The following SIGLEC1 variants were observed in gnomAD, a reference collection of about 807,000 sequenced individuals.
SIGLEC1 encodes sialoadhesin.
A neutral mutation model predicts 148.0 loss-of-function variants in SIGLEC1; 132 were observed. The observed-to-expected ratio is 0.89, with a 90% confidence interval of 0.77 to 1.03. The LOEUF (loss-of-function observed/expected upper bound fraction) is 1.03, where lower values mean the gene tolerates loss of function less well. Among genes scored for constraint, SIGLEC1 ranks in the 50% least tolerant of loss-of-function variants. SIGLEC1 has a pLI of 0.00. For missense variants in SIGLEC1, 2,253 were observed against 2,271.4 expected, an observed-to-expected ratio of 0.99 and a Z score of 0.16; for synonymous variants, 945 against 969.0, an observed-to-expected ratio of 0.98 and a Z score of 0.46.
Position 3,688,459 on chromosome 20 carries a change from A to G in SIGLEC1, c.*101T>C, listed in dbSNP as rs750779005. ...TCAGATGTCACAGAGCTGTTTTCGT[A>G]GAGGCGGGCAGGACTCAACACTGCC... is the stretch of plus-strand genomic sequence containing the variant. On this transcript the variant is annotated 3_prime_UTR_variant, in exon 22 of 22. Transcript: ENST00000344754. 8 of 1,005,266 alleles carry G rather than the reference A, an allele frequency of 8.0e-6. No homozygotes were observed. The highest frequency in any genetic ancestry group is 9.2e-6 in the Non-Finnish European group (6 of 651,338). 62.3% of individuals were successfully genotyped at this position (1,005,266 alleles called of 1,614,324 possible). A position where few individuals can be genotyped will look rare whatever the true frequency, so the allele number is the denominator to read the frequency against.
Position 3,691,515 on chromosome 20 carries a change from C to G in SIGLEC1, c.4416G>C (p.Gly1472=). ...NLSCRLLGGP[G]PVGNSTFAWF... Reference sequence around the variant, plus strand: ...ATGCAAAGGTGGAGTTGCCCACAGGCCCAGGGCCACCCAGGAGGCGGCAGC... The same window carrying G: ...ATGCAAAGGTGGAGTTGCCCACAGGGCCAGGGCCACCCAGGAGGCGGCAGC... Residue 1472 remains glycine, a synonymous_variant, in exon 18 of 22, where the codon GGG becomes GGC. Coordinates refer to ENST00000344754, the MANE Select transcript of SIGLEC1 (RefSeq NM_023068.4). 6.2e-7 allele frequency: 1 copy of G among 1,613,274 alleles called. No homozygotes were observed. The highest frequency in any genetic ancestry group is 8.5e-7 in the Non-Finnish European group (1 of 1,180,008).
Position 3,697,405 on chromosome 20 carries a change from G to T in SIGLEC1, c.2123-63C>A. The T allele has an allele frequency of 3.1e-6, 5 of 1,598,494 alleles. No homozygotes were observed. In the South Asian group the frequency reaches 5.6e-5, roughly 18 times the overall value. On this transcript the variant is annotated intron_variant, in intron 9 of 21. Transcript: ENST00000344754. ...GCCCCCAGGAGCCAGGGGTCCAGCC[G>T]CCCAGCCTGGAAGGAGCAGGAAGGA...
At position 3,701,612 on chromosome 20, in the gene SIGLEC1, A is replaced by T. The variant is rs1268528733; in HGVS notation, c.1258T>A (p.Phe420Ile). ...HPPLTPVLTA[F>I]LETQAGLVGI... ...ACAAGTCCCGCCTGGGTCTCCAGGA[A>T]GGCTGTCAGGACTGGAGTGAGAGGC... Residue 420 changes from phenylalanine (F) to isoleucine (I), a missense_variant, in exon 7 of 22, where the codon TTC (phenylalanine) becomes ATC (isoleucine). Transcript: ENST00000344754. The T allele has an allele frequency of 3.8e-6, 6 of 1,583,372 alleles. No individual in the cohort carries two copies. The highest frequency in any genetic ancestry group is 5.2e-6 in the Non-Finnish European group (6 of 1,159,852).
At chr20:3,691,747 C>G (rs1463235220) in intron 17 of SIGLEC1, 147 bp from the exon 18 acceptor site, 2 of 1,326,258 alleles carry the variant, frequency 1.5e-6, no homozygotes, top group Non-Finnish European at 2.1e-6. Context: ...AACCATGCCC[C>G]CTCCAGTGGG....
At position 3,704,015 on chromosome 20, in the gene SIGLEC1, G is replaced by C; in HGVS notation, c.783C>G (p.Thr261=). The part of the protein sequence containing the change: ...NILPGELVTL[T]CQVNSSYPAV... ...CAGGGTAGCTGCTGTTCACCTGGCA[G>C]GTGAGTGTGACCAGCTCACCTGGAA... Residue 261 remains threonine (T), a synonymous_variant, in exon 5 of 22, where the codon ACC becomes ACG. Coordinates refer to ENST00000344754, the MANE Select transcript of SIGLEC1 (RefSeq NM_023068.4). 1 of 1,613,566 alleles carries C rather than the reference G, an allele frequency of 6.2e-7. No homozygotes were observed. Among genetic ancestry groups the C allele is most frequent in the Admixed American group, 1.7e-5 (1 of 59,972 alleles).
intron 7 of SIGLEC1, 100 bp downstream of exon 7, chr20:3,701,242 G>T: frequency 1.8e-6 from 2 of 1,137,894 alleles, no homozygotes; most frequent in South Asian, 1.6e-5. Flanking sequence ...AGTTAGCTCA[G>T]TCCTGCGGTT....
chr20:3,699,079 G>T, intron 8 of SIGLEC1, 123 bp downstream of exon 8: 2 of 1,171,108 alleles, frequency 1.7e-6, no homozygotes, highest in African/African-American at 1.6e-5. Flanking sequence ...CTGTGGCCAG[G>T]TCTGTGACCC....
In SIGLEC1 at chr20:3,698,133, T is replaced by C. The variant is rs1041593955; in HGVS notation, c.1787A>G (p.Tyr596Cys). 9.5e-6 allele frequency: 15 copies of C among 1,584,396 alleles called. No individual in the cohort carries two copies. The highest frequency in any genetic ancestry group is 1.4e-5 in the African/African-American group (1 of 73,288). ...GGTGAATGTTGGTTGTCGAGGGGGG[T>C]CTGCAGGGAGGAAGAACATGGGCAC... ...PSSPAVLTVL[Y>C]PPRQPTFTTR... The change falls in exon 9 of 22, where the codon TAC becomes TGC. Residue 596 changes from tyrosine to cysteine, a missense_variant and splice_region_variant. Transcript: ENST00000344754.
At position 3,697,252 on chromosome 20, in the gene SIGLEC1, C is replaced by T; in HGVS notation, c.2213G>A (p.Ser738Asn). 2 of 1,614,006 alleles carry T rather than the reference C, an allele frequency of 1.2e-6. No individual in the cohort carries two copies. Among genetic ancestry groups the T allele is most frequent in the Non-Finnish European group, 1.7e-6 (2 of 1,180,048 alleles). ...TCNVSREAAG[S>N]PANFSWFRNG... ...TCGGAACCAGGAGAAGTTAGCAGGG[C>T]TGCCAGCAGCTTCCCGGCTCACGTT... The change falls in exon 10 of 22, where the codon AGC becomes AAC. Residue 738 changes from serine to asparagine, a missense_variant. Physicochemically the swap from Ser to Asn is conservative, Grantham distance 46. Coordinates refer to ENST00000344754, the MANE Select transcript of SIGLEC1 (RefSeq NM_023068.4).
intron 8 of SIGLEC1, 117 bp downstream of exon 8, chr20:3,699,085 G>A: frequency 8.0e-7 from 1 of 1,246,828 alleles, no homozygotes; most frequent in South Asian, 1.4e-5. Flanking sequence ...CCAGGTCTGT[G>A]ACCCAGCCCT....
rs1472393363 is a variant in SIGLEC1 at position 3,706,390 on chromosome 20, G to GA, written c.365dup (p.Asn123GlnfsTer70). 2.5e-6 allele frequency: 4 copies of GA among 1,613,944 alleles called. No homozygotes were observed. Among genetic ancestry groups the GA allele is most frequent in the Non-Finnish European group, 3.4e-6 (4 of 1,179,942 alleles). Reference sequence around the variant, plus strand: ...TGCCTTTCACATCTGACCAGCGGTTGACCTCACTGATCTCGAAGCGGAAGT... The same window carrying GA: ...TGCCTTTCACATCTGACCAGCGGTTGAACCTCACTGATCTCGAAGCGGAAGT... On this transcript the variant is annotated frameshift_variant, in exon 3 of 22. Coordinates refer to ENST00000344754, the MANE Select transcript of SIGLEC1 (RefSeq NM_023068.4). LOFTEE classifies it high-confidence loss of function.
intron 4 of SIGLEC1, among the ~76,000 whole-genome samples, 192 bp downstream of exon 4, chr20:3,705,552 G>A (rs1414189491): frequency 6.6e-6 from 1 of 152,220 alleles, no homozygotes; most frequent in Admixed American, 6.5e-5. Context: ...GCAGTAGGAG[G>A]TGGAGGGAAC....
At position 3,687,852 on chromosome 20, in the gene SIGLEC1, C is replaced by T. The variant is rs1048498183; in HGVS notation, c.*708G>A. 1 of 153,060 alleles carries T rather than the reference C, an allele frequency of 6.5e-6. No homozygotes were observed. Among genetic ancestry groups the T allele is most frequent in the African/African-American group, 2.4e-5 (1 of 41,450 alleles). 9.5% of individuals were successfully genotyped at this position (153,060 alleles called of 1,614,324 possible). ...CTTGTAGCTTGCAGTAGCCATGTGA[C>T]AATACTCCAGCCAATGGGAAGTGAG... On this transcript the variant is annotated 3_prime_UTR_variant, in exon 22 of 22. Coordinates refer to ENST00000344754, the MANE Select transcript of SIGLEC1 (RefSeq NM_023068.4).
Position 3,708,903 on chromosome 20 carries a change from G to C in SIGLEC1, c.-109-1666C>G, listed in dbSNP as rs571559804. On this transcript the variant is annotated intron_variant, in intron 1 of 21. Coordinates refer to ENST00000344754, the MANE Select transcript of SIGLEC1 (RefSeq NM_023068.4). ...TCTACTAAAAATACAAAATTAGCTG[G>C]GTGTGGTGGTGTGCACCTCTAGTCC... 7.9e-5 allele frequency among the ~76,000 whole-genome samples: 12 copies of C among 151,958 alleles called. No homozygotes were observed. The Middle Eastern group carries it at 0.01, about 130-fold the overall frequency.
Position 3,688,392 on chromosome 20 carries a change from AT to A in SIGLEC1, c.*167del, listed in dbSNP as rs1203464969. The stretch of plus-strand genomic sequence containing the variant: ...CTCCTGGGCAGACCTCTCACCACCC[AT>A]TTTTGGGGGGGCAAGAGGCTTGGGG... On this transcript the variant is annotated 3_prime_UTR_variant, in exon 22 of 22. Transcript: ENST00000344754. 5.8e-6 allele frequency: 4 copies of A among 686,710 alleles called. No homozygotes were observed. The highest frequency in any genetic ancestry group is 1.8e-5 in the African/African-American group (1 of 56,850). The allele number at this position is 686,710 out of a possible 1,614,324, so 42.5% of individuals were successfully genotyped here.
At position 3,710,656 on chromosome 20, in the gene SIGLEC1, C is replaced by T. The variant is rs942840972; in HGVS notation, c.-110+1814G>A. 6.6e-6 allele frequency among the ~76,000 whole-genome samples: 1 copy of T among 152,138 alleles called. No homozygotes were observed. The highest frequency in any genetic ancestry group is 1.5e-5 in the Non-Finnish European group (1 of 68,010). The stretch of plus-strand genomic sequence containing the variant: ...GATGTCAGGGTCAGCTCTGCTATGG[C>T]CAGGGCAGCTATCTTGTCCCAGCTC... On this transcript the variant is annotated intron_variant, in intron 1 of 21. Coordinates refer to ENST00000344754, the MANE Select transcript of SIGLEC1 (RefSeq NM_023068.4). The surrounding 1 kb of genome is among the most constrained non-coding windows in gnomAD (Gnocchi z 4.6).
At chr20:3,692,831 C>T in intron 15 of SIGLEC1, 31 bp downstream of exon 15, 1 of 1,601,250 alleles carries the variant, frequency 6.2e-7, no homozygotes, top group Non-Finnish European at 8.5e-7. Flanking sequence ...GGGCTTCCAT[C>T]CCAGTGGGCT....
At chr20:3,707,416 T>C (rs2087904736) in intron 1 of SIGLEC1, among the ~76,000 whole-genome samples, 179 bp from the exon 2 acceptor site, 1 of 152,218 alleles carries the variant, frequency 6.6e-6, no homozygotes, top group Non-Finnish European at 1.5e-5. Flanking sequence ...TGTGTGTCCC[T>C]TGGCCCTATC....
chr20:3,688,336 G>A lies in SIGLEC1; in HGVS notation c.*224C>T, dbSNP rs1057214510. The A allele has an allele frequency of 1.7e-6, 1 of 572,910 alleles. No individual in the cohort carries two copies. The highest frequency in any genetic ancestry group is 3.2e-6 in the Non-Finnish European group (1 of 314,498). The allele number at this position is 572,910 out of a possible 1,614,324, so 35.5% of individuals were successfully genotyped here. ...GAGAAGAGAGAGCGAGATCAGCTCA[G>A]TGCTCTTCAGTGTCCTCCAGGGTCA... On this transcript the variant is annotated 3_prime_UTR_variant, in exon 22 of 22. Coordinates refer to ENST00000344754, the MANE Select transcript of SIGLEC1 (RefSeq NM_023068.4).
Sources: allele counts gnomAD v4.1 joint callset (sites outside exome capture counted in the v4.1 genomes callset), GRCh38; gene constraint gnomAD v4.1.1; non-coding constraint Gnocchi (gnomAD v3.1); transcripts MANE v1.5; gene names NCBI Gene and HGNC (gene_info 2026-07-23, HGNC 2026-07-21).